CACNA1C: variants seen among roughly 807,000 people sequenced by gnomAD.
CACNA1C encodes the protein voltage-dependent L-type calcium channel subunit alpha-1C.
A neutral mutation model predicts 229.0 loss-of-function variants in CACNA1C; 30 were observed. The ratio of observed to expected loss-of-function variants is 0.13; its 90% CI spans 0.10 to 0.18. The LOEUF (loss-of-function observed/expected upper bound fraction) is 0.18. CACNA1C is among the 10% of genes least tolerant of loss of function. CACNA1C has a pLI of 1.00. For synonymous variants in CACNA1C, 1,114 were observed against 1,132.5 expected (o/e 0.98, Z 0.33); for missense variants, 1,658 against 2,845.0 (o/e 0.58, Z 9.49).
intron 3 of CACNA1C, among the ~76,000 whole-genome samples, chr12:2,317,994 G>T (rs147083706): frequency 6.6e-6 from 1 of 152,192 alleles, no homozygotes; most frequent in Non-Finnish European, 1.5e-5. Context: ...GAGGAAGTGC[G>T]CCTTCTGCCG....
chr12:2,312,824 T>C (rs2095506362), intron 3 of CACNA1C, among the ~76,000 whole-genome samples: 1 of 152,210 alleles, frequency 6.6e-6, no homozygotes, highest in Admixed American at 6.5e-5. Context: ...ATTTTTTTTT[T>C]ACATGAATGA....
intron 6 of CACNA1C, among the ~76,000 whole-genome samples, chr12:2,490,993 G>A (rs1299821932): frequency 1.3e-5 from 2 of 152,208 alleles, no homozygotes; most frequent in East Asian, 1.9e-4. Context: ...TAATCCAGAC[G>A]TCCATCAGCT....
chr12:2,679,315 G>A lies in CACNA1C; in HGVS notation c.5092-129G>A, dbSNP rs2096998919. The A allele has an allele frequency of 3.0e-6, 2 of 660,326 alleles. No individual in the cohort carries two copies. Among genetic ancestry groups the A allele is most frequent in the Admixed American group, 2.9e-5 (1 of 33,956 alleles). 40.9% of individuals were successfully genotyped at this position (660,326 alleles called of 1,614,324 possible). ...GGTGCTCCTGGCTCCCAGCAGGGCT[G>A]TGCCTACCCGAAAGAAGGCAGCCCG... On this transcript the variant is annotated intron_variant, in intron 41 of 46. Coordinates refer to ENST00000399655, the MANE Select transcript of CACNA1C (RefSeq NM_000719.7). This position sits in a 1 kb window ranked among gnomAD's most constrained non-coding sequence, Gnocchi z 5.5.
chr12:2,519,236 C>T (rs2154580417), intron 9 of CACNA1C, among the ~76,000 whole-genome samples: 1 of 152,334 alleles, frequency 6.6e-6, no homozygotes, highest in Non-Finnish European at 1.5e-5. Flanking sequence ...CCGTTGTGTC[C>T]CCATGACCTG....
rs1450596831 is a variant in CACNA1C at position 2,602,731 on chromosome 12, T to C, written c.2960+771T>C. On this transcript the variant is annotated intron_variant, in intron 22 of 46. Coordinates refer to ENST00000399655, the MANE Select transcript of CACNA1C (RefSeq NM_000719.7). The surrounding 1 kb of genome is among the most constrained non-coding windows in gnomAD (Gnocchi z 4.4). Reference sequence around the variant, plus strand: ...GTGTGAGTTCTAAGAGCTTTCCAGGTGACTCCCCTGTACAGCCAAGCTTGC... The same window carrying C: ...GTGTGAGTTCTAAGAGCTTTCCAGGCGACTCCCCTGTACAGCCAAGCTTGC... Among the ~76,000 whole-genome samples, 1 of 151,842 alleles carries C rather than the reference T, an allele frequency of 6.6e-6. No individual in the cohort carries two copies. The highest frequency in any genetic ancestry group is 2.4e-5 in the African/African-American group (1 of 41,300).
At chr12:2,643,822 G>C (rs1212499474) in intron 30 of CACNA1C, among the ~76,000 whole-genome samples, 1 of 152,064 alleles carries the variant, frequency 6.6e-6, no homozygotes, top group African/African-American at 2.4e-5. Flanking sequence ...CTCTGCACCA[G>C]CCTGACCACC....
intron 3 of CACNA1C, among the ~76,000 whole-genome samples, chr12:2,318,250 G>C (rs1052711980): frequency 2.0e-5 from 3 of 152,234 alleles, no homozygotes; most frequent in African/African-American, 7.2e-5. Context: ...GAACTCACAG[G>C]ATGAGGGAGA....
At position 2,275,439 on chromosome 12, in the gene CACNA1C, G is replaced by T. The variant is rs978433690; in HGVS notation, c.477+155009G>T. ...GTCTGGTGAGCCCGCCAGCTGTACC[G>T]CATCGCTCTGTGCATGTGACCTAGC... On this transcript the variant is annotated intron_variant, in intron 3 of 46. Transcript: ENST00000399655. This position sits in a 1 kb window ranked among gnomAD's most constrained non-coding sequence, Gnocchi z 4.1. 1.3e-5 allele frequency among the ~76,000 whole-genome samples: 2 copies of T among 152,224 alleles called. No homozygotes were observed. The highest frequency in any genetic ancestry group is 2.9e-5 in the Non-Finnish European group (2 of 68,010).
chr12:2,149,101 T>A (rs1045079437), intron 3 of CACNA1C, among the ~76,000 whole-genome samples: 2 of 152,172 alleles, frequency 1.3e-5, no homozygotes, highest in Non-Finnish European at 2.9e-5. Flanking sequence ...CCTTGCAAGA[T>A]GACATTTGGG....
At chr12:2,613,481 A>C (rs1479961593) in intron 29 of CACNA1C, 1 of 152,228 alleles carries the variant, frequency 6.6e-6, no homozygotes, top group Non-Finnish European at 1.5e-5. Context: ...CTTAAAAGAT[A>C]AGACAATATT....
At chr12:2,122,386 C>G (rs566354452) in intron 3 of CACNA1C, among the ~76,000 whole-genome samples, 3 of 152,296 alleles carry the variant, frequency 2.0e-5, no homozygotes, top group African/African-American at 4.8e-5. Context: ...CGCACTTCCC[C>G]TGGGGCAGTG....
chr12:2,453,365 A>G (rs868855174), intron 4 of CACNA1C, among the ~76,000 whole-genome samples: 3 of 152,150 alleles, frequency 2.0e-5, no homozygotes, highest in Admixed American at 6.5e-5. Flanking sequence ...TTGCTCCTGA[A>G]TGAAAGCTGT....
chr12:2,575,490 T>C lies in CACNA1C; in HGVS notation c.1896-6100T>C, dbSNP rs537077184. 5.3e-5 allele frequency among the ~76,000 whole-genome samples: 8 copies of C among 152,272 alleles called. No homozygotes were observed. The South Asian group carries it at 1.7e-3, about 32-fold the overall frequency. On this transcript the variant is annotated intron_variant, in intron 13 of 46. Coordinates refer to ENST00000399655, the MANE Select transcript of CACNA1C (RefSeq NM_000719.7). The surrounding 1 kb of genome is among the most constrained non-coding windows in gnomAD (Gnocchi z 4.0). ...CTCCTGTGCTCACTTGCTGGATGGA[T>C]TCTACCTGCTTCCCCAGGTGGCCTC...
intron 1 of CACNA1C, chr12:1,993,213 C>T: frequency 6.2e-7 from 1 of 1,613,604 alleles, no homozygotes; most frequent in South Asian, 1.1e-5. Flanking sequence ...ATTTTAAACA[C>T]TTGGCCAAAC....
At chr12:2,115,875 G>A (rs1475564055) in intron 2 of CACNA1C, among the ~76,000 whole-genome samples, 1 of 152,260 alleles carries the variant, frequency 6.6e-6, no homozygotes, top group African/African-American at 2.4e-5. Flanking sequence ...ATCTCCTGTA[G>A]CTGAGCTTGC....
chr12:2,566,667 G>T lies in CACNA1C; in HGVS notation c.1669+85G>T. 1 of 1,198,798 alleles carries T rather than the reference G, an allele frequency of 8.3e-7. No individual in the cohort carries two copies. Among genetic ancestry groups the T allele is most frequent in the Non-Finnish European group, 1.2e-6 (1 of 857,424 alleles). The allele number at this position is 1,198,798 out of a possible 1,614,324, so 74.3% of individuals were successfully genotyped here. A position where few individuals can be genotyped will look rare whatever the true frequency, so the allele number is the denominator to read the frequency against. ...GGGGAGGGCATAACCACAGGCAGAA[G>T]GTGGAGGGGAAAGCAGCCAATGGTC... is the stretch of plus-strand genomic sequence containing the variant. On this transcript the variant is annotated intron_variant, in intron 12 of 46. Coordinates refer to ENST00000399655, the MANE Select transcript of CACNA1C (RefSeq NM_000719.7). This position sits in a 1 kb window ranked among gnomAD's most constrained non-coding sequence, Gnocchi z 4.0.
At chr12:2,326,038 T>G (rs1188341817) in intron 3 of CACNA1C, among the ~76,000 whole-genome samples, 3 of 152,240 alleles carry the variant, frequency 2.0e-5, no homozygotes, top group Non-Finnish European at 4.4e-5. Context: ...GCAGAAACTC[T>G]GGGGGCAGCA....
chr12:2,047,414 T>C (rs2051269247), intron 1 of CACNA1C, among the ~76,000 whole-genome samples: 2 of 152,210 alleles, frequency 1.3e-5, no homozygotes, highest in South Asian at 4.1e-4. Context: ...CTTCATATTG[T>C]AAAAACTGGG....
intron 3 of CACNA1C, among the ~76,000 whole-genome samples, chr12:2,175,909 C>T (rs1329603953): frequency 1.3e-5 from 2 of 152,112 alleles, no homozygotes; most frequent in Non-Finnish European, 2.9e-5. Context: ...TTATTGAGTT[C>T]CTGCTATATG....
Sources: allele counts gnomAD v4.1 joint callset (sites outside exome capture counted in the v4.1 genomes callset), GRCh38; gene constraint gnomAD v4.1.1; non-coding constraint Gnocchi (gnomAD v3.1); transcripts MANE v1.5; gene names NCBI Gene and HGNC (gene_info 2026-07-23, HGNC 2026-07-21).